LCN10: variants seen among roughly 807,000 people sequenced by gnomAD.
The protein encoded by LCN10 is lipocalin 10, also known as epididymal-specific lipocalin-10.
Under a neutral mutation model 25.1 loss-of-function variants are expected in LCN10, and 18 were observed. The ratio of observed to expected loss-of-function variants is 0.72; its 90% CI spans 0.50 to 1.06. The LOEUF is 1.06. LCN10 is among the 50% of genes least tolerant of loss of function. The probability of loss-of-function intolerance (pLI) is 0.00; values close to 1 mark genes in which losing one functional copy is unlikely to be tolerated. For missense variants in LCN10, 257 were observed against 258.9 expected, an observed-to-expected ratio of 0.99 and a Z score of 0.05; for synonymous variants, 130 against 116.7, an observed-to-expected ratio of 1.11 and a Z score of -0.73.
In LCN10 at chr9:136,740,628, C is replaced by T; in HGVS notation, c.475+208G>A. 1.8e-6 allele frequency: 1 copy of T among 567,808 alleles called. No homozygotes were observed. Among genetic ancestry groups the T allele is most frequent in the South Asian group, 2.4e-5 (1 of 42,184 alleles). 35.2% of individuals were successfully genotyped at this position (567,808 alleles called of 1,614,324 possible). A position where few individuals can be genotyped will look rare whatever the true frequency, so the allele number is the denominator to read the frequency against. On this transcript the variant is annotated intron_variant, in intron 4 of 5. Coordinates refer to ENST00000497771, the MANE Select transcript of LCN10 (RefSeq NM_001001712.3). The surrounding 1 kb of genome is among the most constrained non-coding windows in gnomAD (Gnocchi z 5.3). Reference sequence around the variant, plus strand: ...GATGGCCCACCTTTCTCTGCAGCCTCTTCCTGACGTCCCCTATCCTTGCTT... The same window carrying T: ...GATGGCCCACCTTTCTCTGCAGCCTTTTCCTGACGTCCCCTATCCTTGCTT...
At position 136,739,048 on chromosome 9, in the gene LCN10, G is replaced by A. The variant is rs560966064; in HGVS notation, c.*477C>T. The A allele has an allele frequency of 2.0e-5, 4 of 197,268 alleles. No individual in the cohort carries two copies. Among genetic ancestry groups the A allele is most frequent in the South Asian group, 1.8e-4 (2 of 10,922 alleles). The allele number at this position is 197,268 out of a possible 1,614,324, so 12.2% of individuals were successfully genotyped here. On this transcript the variant is annotated 3_prime_UTR_variant, in exon 6 of 6. Coordinates refer to ENST00000497771, the MANE Select transcript of LCN10 (RefSeq NM_001001712.3). This position sits in a 1 kb window ranked among gnomAD's most constrained non-coding sequence, Gnocchi z 6.1. ...CATCAACTCTGGGACTGCGTTTGCC[G>A]ATTCTGTTCCCTAACGCAGCCGCAG...
chr9:136,741,474 G>T, intron 2 of LCN10, 113 bp from the exon 3 acceptor site: 1 of 858,622 alleles, frequency 1.2e-6, no homozygotes, highest in Non-Finnish European at 1.8e-6. Context: ...GTGGGACCCG[G>T]GAAGGTTGGG....
chr9:136,738,301 G>A lies in LCN10; in HGVS notation c.*1224C>T, dbSNP rs930949650. 6.6e-6 allele frequency: 1 copy of A among 152,374 alleles called. No individual in the cohort carries two copies. Among genetic ancestry groups the A allele is most frequent in the Non-Finnish European group, 1.5e-5 (1 of 68,088 alleles). The allele number at this position is 152,374 out of a possible 1,614,324, so 9.4% of individuals were successfully genotyped here. On this transcript the variant is annotated 3_prime_UTR_variant, in exon 6 of 6. Transcript: ENST00000497771. ...ACACTTGGAGGGGAGGGACAGAGGG[G>A]ACAGGAATTTACGCTGAAGGAGATG...
rs1360076283 is a variant in LCN10, at chr9:136,740,060, A to G, written c.476-12T>C. 2 of 1,531,830 alleles carry G rather than the reference A, an allele frequency of 1.3e-6. No homozygotes were observed. Among genetic ancestry groups the G allele is most frequent in the Non-Finnish European group, 8.9e-7 (1 of 1,125,490 alleles). 94.9% of individuals were successfully genotyped at this position (1,531,830 alleles called of 1,614,324 possible). A position where few individuals can be genotyped will look rare whatever the true frequency, so the allele number is the denominator to read the frequency against. ...AACATTCTGCCTATCTGAGGTTGAG[A>G]TCAGGATCACATCAGAGACTCCAGC... is the stretch of plus-strand genomic sequence containing the variant. On this transcript the variant is annotated splice_polypyrimidine_tract_variant and intron_variant, in intron 4 of 5. Transcript: ENST00000497771. This position sits in a 1 kb window ranked among gnomAD's most constrained non-coding sequence, Gnocchi z 5.3.
In LCN10 at chr9:136,742,790, G is replaced by C; in HGVS notation, c.114C>G (p.Asn38Lys). ...YPRESHALNW[N>K]KFSGFWYILA... is the part of the protein sequence containing the mutation. ...GGACCAGTGGCACATGGCTCACCTTGTTCCAGTTGAGGGCGTGGGACTCCC... is the reference window on the plus strand; with the variant it reads ...GGACCAGTGGCACATGGCTCACCTTCTTCCAGTTGAGGGCGTGGGACTCCC... The change falls in exon 1 of 6, where the codon AAC becomes AAG. Residue 38 changes from asparagine to lysine, a missense_variant. Physicochemically the swap from Asn to Lys is moderately conservative, Grantham distance 94. Transcript: ENST00000497771. 1 of 1,613,298 alleles carries C rather than the reference G, an allele frequency of 6.2e-7. No individual in the cohort carries two copies. Among genetic ancestry groups the C allele is most frequent in the Non-Finnish European group, 8.5e-7 (1 of 1,179,732 alleles).
In LCN10 at chr9:136,739,489, CA is replaced by C; in HGVS notation, c.*35del. The C allele has an allele frequency of 6.3e-7, 1 of 1,581,170 alleles. No homozygotes were observed. The highest frequency in any genetic ancestry group is 1.8e-5 in the Admixed American group (1 of 54,730). ...CAACGCTCCTCGGGTCTGGGAGGAC[CA>C]CGCGTCGAAAGGGAAGAGCAGAGGA... is the stretch of plus-strand genomic sequence containing the variant. On this transcript the variant is annotated 3_prime_UTR_variant, in exon 6 of 6. Transcript: ENST00000497771. This position sits in a 1 kb window ranked among gnomAD's most constrained non-coding sequence, Gnocchi z 6.1.
At position 136,742,500 on chromosome 9, in the gene LCN10, C is replaced by T. The variant is rs1846959949; in HGVS notation, c.117+287G>A. ...CCCCGCTTGCTCCACACCCACTCTG[C>T]ACTCTGGGCGTCTCCCGACCTCCTC... is the stretch of plus-strand genomic sequence containing the variant. On this transcript the variant is annotated intron_variant, in intron 1 of 5. Transcript: ENST00000497771. The T allele has an allele frequency of 5.7e-6, 3 of 523,208 alleles. No individual in the cohort carries two copies. The South Asian group carries it at 7.8e-5, about 14-fold the overall frequency. The allele number at this position is 523,208 out of a possible 1,614,324, so 32.4% of individuals were successfully genotyped here. A position where few individuals can be genotyped will look rare whatever the true frequency, so the allele number is the denominator to read the frequency against.
intron 2 of LCN10, 32 bp from the exon 3 acceptor site, chr9:136,741,393 C>T: frequency 6.6e-7 from 1 of 1,506,184 alleles, no homozygotes; most frequent in Non-Finnish European, 9.1e-7. Context: ...AGGCTGCAGA[C>T]CAGGGAACCC....
Position 136,740,285 on chromosome 9 carries a change from G to T in LCN10, c.476-237C>A. ...CTGGGGAACCCTCTCTGCCTGCAGA[G>T]TCCCCTCCAGCCAGCCCCTCAGCTG... is the stretch of plus-strand genomic sequence containing the variant. On this transcript the variant is annotated intron_variant, in intron 4 of 5. Transcript: ENST00000497771. The surrounding 1 kb of genome is among the most constrained non-coding windows in gnomAD (Gnocchi z 5.3). The T allele has an allele frequency of 1.8e-6, 1 of 555,576 alleles. No individual in the cohort carries two copies. The highest frequency in any genetic ancestry group is 3.3e-6 in the Non-Finnish European group (1 of 306,622). The allele number at this position is 555,576 out of a possible 1,614,324, so 34.4% of individuals were successfully genotyped here.
intron 3 of LCN10, 62 bp from the exon 4 acceptor site, chr9:136,741,005 G>T (rs1846920714): frequency 1.4e-6 from 2 of 1,431,800 alleles, no homozygotes; most frequent in Non-Finnish European, 2.0e-6. Flanking sequence ...CCCGCCCACA[G>T]CCCTGACCCC....
chr9:136,741,883 T>C lies in LCN10; in HGVS notation c.255A>G (p.Arg85=). The C allele has an allele frequency of 6.2e-7, 1 of 1,604,752 alleles. No homozygotes were observed. Among genetic ancestry groups the C allele is most frequent in the Non-Finnish European group, 8.5e-7 (1 of 1,176,366 alleles). ...CCTGGGGGGCGCTGCCCACTCACCG[T>C]CTGAAGGCGAGGAGCACGCGGAGCT... ...VGQLRVLLAF[R]RLKGCQSQEV... The change falls in exon 2 of 6, where the codon AGA becomes AGG. Residue 85 remains arginine (R), a splice_region_variant and synonymous_variant. Coordinates refer to ENST00000497771, the MANE Select transcript of LCN10 (RefSeq NM_001001712.3).
At position 136,739,694 on chromosome 9, in the gene LCN10, A is replaced by G; in HGVS notation, c.575-141T>C. ...CGAGAACACAGCCATGCAGCCCCCG[A>G]TCCTGCAGCCACAGCCACGGCATCG... On this transcript the variant is annotated intron_variant, in intron 5 of 5. Coordinates refer to ENST00000497771, the MANE Select transcript of LCN10 (RefSeq NM_001001712.3). The surrounding 1 kb of genome is among the most constrained non-coding windows in gnomAD (Gnocchi z 6.1). The G allele has an allele frequency of 1.2e-6, 1 of 846,276 alleles. No individual in the cohort carries two copies. 52.4% of individuals were successfully genotyped at this position (846,276 alleles called of 1,614,324 possible). A position where few individuals can be genotyped will look rare whatever the true frequency, so the allele number is the denominator to read the frequency against.
In LCN10 at chr9:136,740,368, A is replaced by C; in HGVS notation, c.476-320T>G. On this transcript the variant is annotated intron_variant, in intron 4 of 5. Transcript: ENST00000497771. This position sits in a 1 kb window ranked among gnomAD's most constrained non-coding sequence, Gnocchi z 5.3. Reference sequence around the variant, plus strand: ...GCCTCGACTGAGACCCCAGGACCCCACCTCCCCTCTACCCGTTCCAACCGG... The same window carrying C: ...GCCTCGACTGAGACCCCAGGACCCCCCCTCCCCTCTACCCGTTCCAACCGG... 1 of 447,688 alleles carries C rather than the reference A, an allele frequency of 2.2e-6. No individual in the cohort carries two copies. The highest frequency in any genetic ancestry group is 4.1e-6 in the Non-Finnish European group (1 of 241,404). 27.7% of individuals were successfully genotyped at this position (447,688 alleles called of 1,614,324 possible). A position where few individuals can be genotyped will look rare whatever the true frequency, so the allele number is the denominator to read the frequency against.
At chr9:136,742,751 G>A (rs749697591) in intron 1 of LCN10, 36 bp downstream of exon 1, 26 of 1,609,666 alleles carry the variant, frequency 1.6e-5, no homozygotes, top group Non-Finnish European at 1.9e-5. Flanking sequence ...CTCCAGAGCC[G>A]GCGCCCGGCT....
intron 1 of LCN10, 125 bp from the exon 2 acceptor site, chr9:136,742,145 C>T: frequency 8.1e-7 from 1 of 1,227,784 alleles, no homozygotes; most frequent in Non-Finnish European, 1.1e-6. Flanking sequence ...CCAGCTCCGC[C>T]CAGGTGCCGC....
At position 136,738,784 on chromosome 9, in the gene LCN10, C is replaced by T. The variant is rs1181311487; in HGVS notation, c.*741G>A. The T allele has an allele frequency of 4.6e-5, 7 of 152,312 alleles. No homozygotes were observed. The highest frequency in any genetic ancestry group is 1.0e-4 in the Non-Finnish European group (7 of 68,112). The allele number at this position is 152,312 out of a possible 1,614,324, so 9.4% of individuals were successfully genotyped here. On this transcript the variant is annotated 3_prime_UTR_variant, in exon 6 of 6. Coordinates refer to ENST00000497771, the MANE Select transcript of LCN10 (RefSeq NM_001001712.3). The stretch of plus-strand genomic sequence containing the variant: ...TTCTGGGGATGCACCCCTGCTCCTC[C>T]AGCCCCACCCAAACTGACTTAACAC...
intron 1 of LCN10, 166 bp downstream of exon 1, chr9:136,742,621 C>T (rs557345932): frequency 1.4e-5 from 12 of 850,566 alleles, no homozygotes; most frequent in Admixed American, 3.0e-5. Flanking sequence ...CTGCAACTTG[C>T]GGGGCCCCTG....
In LCN10 at chr9:136,739,375, C is replaced by T. The variant is rs1368541842; in HGVS notation, c.*150G>A. 6 of 772,170 alleles carry T rather than the reference C, an allele frequency of 7.8e-6. No individual in the cohort carries two copies. The Admixed American group carries it at 8.9e-5, about 12-fold the overall frequency. The allele number at this position is 772,170 out of a possible 1,614,324, so 47.8% of individuals were successfully genotyped here. ...CCATCTTTCTGTGATCATAAAGGAT[C>T]CCTTGAGCCACTTGATTTTCACACT... On this transcript the variant is annotated 3_prime_UTR_variant, in exon 6 of 6. Coordinates refer to ENST00000497771, the MANE Select transcript of LCN10 (RefSeq NM_001001712.3). This position sits in a 1 kb window ranked among gnomAD's most constrained non-coding sequence, Gnocchi z 6.1.
At chr9:136,741,595 A>T in intron 2 of LCN10, 1 of 602,130 alleles carries the variant, frequency 1.7e-6, no homozygotes. Context: ...CACGAGAGAA[A>T]CTCCCAACAC....
Sources: gnomAD v4.1 joint callset for allele counts on GRCh38, gnomAD v4.1.1 for gene constraint, Gnocchi (gnomAD v3.1) non-coding constraint, MANE v1.5 for transcripts, NCBI Gene and HGNC (gene_info 2026-07-23, HGNC 2026-07-21) for gene names.